The following TP53I3 variants were observed in gnomAD, a reference collection of about 807,000 sequenced individuals.
TP53I3 encodes the protein quinone oxidoreductase PIG3.
In TP53I3, 32 loss-of-function variants were observed where a neutral mutation model predicts 27.7. That is an observed-to-expected ratio of 1.16 (90% CI 0.87 to 1.55). The LOEUF (loss-of-function observed/expected upper bound fraction) is 1.55. TP53I3 is among the 40% of genes most tolerant of loss of function. The probability of loss-of-function intolerance (pLI) is 0.00; values close to 1 mark genes in which losing one functional copy is unlikely to be tolerated. For missense variants in TP53I3, 372 were observed against 412.3 expected, an observed-to-expected ratio of 0.90 and a Z score of 0.85; for synonymous variants, 138 against 167.8, an observed-to-expected ratio of 0.82 and a Z score of 1.37.
At position 24,083,103 on chromosome 2, in the gene TP53I3, A is replaced by G; in HGVS notation, c.188T>C (p.Leu63Pro). The part of the protein sequence containing the change: ...PPPGASNILG[L>P]EASGHVAELG... The stretch of plus-strand genomic sequence containing the variant: ...CTCTGCCACATGTCCAGATGCCTCA[A>G]GTCCCAAAATGTTGCTGGCTCCTGG... Residue 63 changes from leucine to proline, a missense_variant, in exon 2 of 5, where the codon CTT becomes CCT. Coordinates refer to ENST00000238721, the MANE Select transcript of TP53I3 (RefSeq NM_004881.5). 6.2e-7 allele frequency: 1 copy of G among 1,614,018 alleles called. No homozygotes were observed. Among genetic ancestry groups the G allele is most frequent in the Non-Finnish European group, 8.5e-7 (1 of 1,179,922 alleles).
In TP53I3 at chr2:24,077,539, A is replaced by G; in HGVS notation, c.*40T>C. 1 of 1,570,438 alleles carries G rather than the reference A, an allele frequency of 6.4e-7. No individual in the cohort carries two copies. On this transcript the variant is annotated 3_prime_UTR_variant, in exon 5 of 5. Transcript: ENST00000238721. The surrounding 1 kb of genome is among the most constrained non-coding windows in gnomAD (Gnocchi z 5.5). Reference sequence around the variant, plus strand: ...AATCTTCTCCAGGTTTGCTCTGGAAAGGCCTGGGGTGGCCGCGTCCTGTCC... The same window carrying G: ...AATCTTCTCCAGGTTTGCTCTGGAAGGGCCTGGGGTGGCCGCGTCCTGTCC...
At chr2:24,079,784 GT>G in intron 3 of TP53I3, 144 bp from the exon 4 acceptor site, 1 of 750,174 alleles carries the variant, frequency 1.3e-6, no homozygotes, top group South Asian at 1.9e-5. Context: ...AAGAACTGTT[GT>G]AAATGGAGTT....
rs1435478708 is a variant in TP53I3, at chr2:24,080,327, C to T, written c.619+492G>A. Among the ~76,000 whole-genome samples, 1 of 151,814 alleles carries T rather than the reference C, an allele frequency of 6.6e-6. No homozygotes were observed. Among genetic ancestry groups the T allele is most frequent in the East Asian group, 1.9e-4 (1 of 5,188 alleles). ...CCGAGATCAAGCCACTGCACGCCATCCTCAGTGACAGAGTGAGACTCCATC... is the reference window on the plus strand; with the variant it reads ...CCGAGATCAAGCCACTGCACGCCATTCTCAGTGACAGAGTGAGACTCCATC... On this transcript the variant is annotated intron_variant, in intron 3 of 4. Transcript: ENST00000238721. This position sits in a 1 kb window ranked among gnomAD's most constrained non-coding sequence, Gnocchi z 4.7.
At chr2:24,082,299 G>T (rs751421721) in intron 2 of TP53I3, among the ~76,000 whole-genome samples, 5 of 152,078 alleles carry the variant, frequency 3.3e-5, no homozygotes, top group Admixed American at 6.6e-5. Flanking sequence ...TCTTTCTTAG[G>T]CCACCTTGGC....
intron 3 of TP53I3, 22 bp from the exon 4 acceptor site, chr2:24,079,662 T>G (rs555028845): frequency 1.2e-6 from 2 of 1,610,382 alleles, no homozygotes; most frequent in Non-Finnish European, 1.7e-6. Flanking sequence ...AACAGATTTG[T>G]GATGCTAGTC....
At chr2:24,078,812 A>T (rs1298326147) in intron 4 of TP53I3, 1 of 152,446 alleles carries the variant, frequency 6.6e-6, no homozygotes. Context: ...GCAAAACCCT[A>T]TGGTGGAAAC....
chr2:24,082,801 C>A lies in TP53I3; in HGVS notation c.406+84G>T, dbSNP rs1228080212. On this transcript the variant is annotated intron_variant, in intron 2 of 4. Transcript: ENST00000238721. The stretch of plus-strand genomic sequence containing the variant: ...TGATACAGGAAGGCCTGGGAGTGCC[C>A]TGGGGGATTGCTGGGATTCAAGTTG... The A allele has an allele frequency of 6.1e-6, 9 of 1,482,238 alleles. No individual in the cohort carries two copies. The East Asian group carries it at 2.1e-4, about 35-fold the overall frequency. The allele number at this position is 1,482,238 out of a possible 1,614,324, so 91.8% of individuals were successfully genotyped here.
At position 24,079,610 on chromosome 2, in the gene TP53I3, A is replaced by G. The variant is rs1391384763; in HGVS notation, c.650T>C (p.Ile217Thr). Reference protein sequence around the residue: ...GAGVNLILDCIGGSYWEKNVN... With the variant: ...GAGVNLILDCTGGSYWEKNVN... ...GTTCTTCTCCCAGTAGGATCCGCCT[A>G]TGCAGTCTAGAATAAGATTAACTCC... Residue 217 changes from isoleucine (I) to threonine (T), a missense_variant, in exon 4 of 5, where the codon ATA becomes ACA. Coordinates refer to ENST00000238721, the MANE Select transcript of TP53I3 (RefSeq NM_004881.5). 4 of 1,614,072 alleles carry G rather than the reference A, an allele frequency of 2.5e-6. No individual in the cohort carries two copies. Among genetic ancestry groups the G allele is most frequent in the African/African-American group, 1.3e-5 (1 of 74,926 alleles).
At position 24,084,497 on chromosome 2, in the gene TP53I3, C is replaced by G. The variant is rs1213099687; in HGVS notation, c.-171G>C. On this transcript the variant is annotated 5_prime_UTR_variant, in exon 1 of 5. Transcript: ENST00000238721. The surrounding 1 kb of genome is among the most constrained non-coding windows in gnomAD (Gnocchi z 8.4). ...CCCTGCCGGCCAGCGCCTCGCTGCC[C>G]TGGTCTGCCGCGGACCCGGCCTCCG... 3.2e-6 allele frequency: 3 copies of G among 923,414 alleles called. No individual in the cohort carries two copies. In the Admixed American group the frequency reaches 1.1e-4, roughly 33 times the overall value. The allele number at this position is 923,414 out of a possible 1,614,324, so 57.2% of individuals were successfully genotyped here. A position where few individuals can be genotyped will look rare whatever the true frequency, so the allele number is the denominator to read the frequency against.
Position 24,084,454 on chromosome 2 carries a change from G to T in TP53I3, c.-128C>A. 8.2e-7 allele frequency: 1 copy of T among 1,220,424 alleles called. No homozygotes were observed. The highest frequency in any genetic ancestry group is 1.8e-5 in the South Asian group (1 of 55,606). The allele number at this position is 1,220,424 out of a possible 1,614,324, so 75.6% of individuals were successfully genotyped here. ...ATCCTCGCGGAGCAGCCCAGCCTCAGGCTGGCACCGCAGCGCCCCCTGCCG... is the reference window on the plus strand; with the variant it reads ...ATCCTCGCGGAGCAGCCCAGCCTCATGCTGGCACCGCAGCGCCCCCTGCCG... On this transcript the variant is annotated 5_prime_UTR_variant, in exon 1 of 5. It adds an upstream start codon to the 5' untranslated region. Transcript: ENST00000238721. The surrounding 1 kb of genome is among the most constrained non-coding windows in gnomAD (Gnocchi z 8.4).
At position 24,079,696 on chromosome 2, in the gene TP53I3, A is replaced by G; in HGVS notation, c.620-56T>C. The stretch of plus-strand genomic sequence containing the variant: ...TCAGCTTGGTGCTAAATAAGATACC[A>G]TGGTATATTTGGGGATTATGGATAT... On this transcript the variant is annotated intron_variant, in intron 3 of 4. Coordinates refer to ENST00000238721, the MANE Select transcript of TP53I3 (RefSeq NM_004881.5). 3 of 1,545,794 alleles carry G rather than the reference A, an allele frequency of 1.9e-6. No homozygotes were observed. In the South Asian group the frequency reaches 3.4e-5, roughly 17 times the overall value.
rs1664914361 is a variant in TP53I3, at chr2:24,079,618, T to C, written c.642A>G (p.Leu214=). 3 of 1,614,110 alleles carry C rather than the reference T, an allele frequency of 1.9e-6. No homozygotes were observed. Among genetic ancestry groups the C allele is most frequent in the Non-Finnish European group, 2.5e-6 (3 of 1,180,020 alleles). Residue 214 remains leucine (L), a synonymous_variant, in exon 4 of 5, where the codon CTA becomes CTG. Coordinates refer to ENST00000238721, the MANE Select transcript of TP53I3 (RefSeq NM_004881.5). ...CCCAGTAGGATCCGCCTATGCAGTC[T>C]AGAATAAGATTAACTCCAGCACCTT... The part of the protein sequence containing the change: ...FTKGAGVNLI[L]DCIGGSYWEK...
At position 24,084,152 on chromosome 2, in the gene TP53I3, AGTCCCGCCC is replaced by A; in HGVS notation, c.138+28_138+36del. 1 of 1,584,402 alleles carries A rather than the reference AGTCCCGCCC, an allele frequency of 6.3e-7. No individual in the cohort carries two copies. Among genetic ancestry groups the A allele is most frequent in the Non-Finnish European group, 8.6e-7 (1 of 1,168,206 alleles). On this transcript the variant is annotated intron_variant, in intron 1 of 4. Coordinates refer to ENST00000238721, the MANE Select transcript of TP53I3 (RefSeq NM_004881.5). This position sits in a 1 kb window ranked among gnomAD's most constrained non-coding sequence, Gnocchi z 8.4. ...AGTGCTGTTGAGAGGGAGGCTCTGG[AGTCCCGCCC>A]GCCCCGGCGCGGCTGAGCCCTGGGT...
intron 2 of TP53I3, 45 bp downstream of exon 2, chr2:24,082,840 G>T: frequency 6.5e-7 from 1 of 1,544,954 alleles, no homozygotes. Flanking sequence ...GATTTATGAA[G>T]GTGTTGAGCC....
chr2:24,084,449 C>A lies in TP53I3; in HGVS notation c.-123G>T. The stretch of plus-strand genomic sequence containing the variant: ...GCTGTATCCTCGCGGAGCAGCCCAG[C>A]CTCAGGCTGGCACCGCAGCGCCCCC... On this transcript the variant is annotated 5_prime_UTR_variant, in exon 1 of 5. Coordinates refer to ENST00000238721, the MANE Select transcript of TP53I3 (RefSeq NM_004881.5). This position sits in a 1 kb window ranked among gnomAD's most constrained non-coding sequence, Gnocchi z 8.4. 7.8e-7 allele frequency: 1 copy of A among 1,279,326 alleles called. No homozygotes were observed. The highest frequency in any genetic ancestry group is 1.7e-5 in the South Asian group (1 of 59,302). 79.2% of individuals were successfully genotyped at this position (1,279,326 alleles called of 1,614,324 possible).
chr2:24,079,216 A>G, intron 4 of TP53I3: 1 of 533,008 alleles, frequency 1.9e-6, no homozygotes, highest in Non-Finnish European at 3.4e-6. Context: ...GAATGTTCAG[A>G]TAACCTGTGA....
intron 2 of TP53I3, among the ~76,000 whole-genome samples, chr2:24,082,309 C>A (rs957635095): frequency 6.6e-6 from 1 of 152,156 alleles, no homozygotes; most frequent in Non-Finnish European, 1.5e-5. Context: ...GCCACCTTGG[C>A]ATGCCTTATG....
rs1406102680 is a variant in TP53I3 at position 24,084,361 on chromosome 2, C to T, written c.-35G>A. 1 of 1,345,730 alleles carries T rather than the reference C, an allele frequency of 7.4e-7. No individual in the cohort carries two copies. Among genetic ancestry groups the T allele is most frequent in the South Asian group, 1.4e-5 (1 of 69,412 alleles). 83.4% of individuals were successfully genotyped at this position (1,345,730 alleles called of 1,614,324 possible). The stretch of plus-strand genomic sequence containing the variant: ...GGACACAGGGCAGGGCAGGGCAGGA[C>T]AGGACAGGGCAGGGCAGGGCAGGAC... On this transcript the variant is annotated 5_prime_UTR_variant, in exon 1 of 5. Transcript: ENST00000238721. The surrounding 1 kb of genome is among the most constrained non-coding windows in gnomAD (Gnocchi z 8.4).
intron 2 of TP53I3, among the ~76,000 whole-genome samples, chr2:24,082,110 C>T (rs1665034440): frequency 6.6e-6 from 1 of 152,222 alleles, no homozygotes; most frequent in African/African-American, 2.4e-5. Context: ...ATCCTCCCAA[C>T]TCAGCCTCCT....
Sources: gnomAD v4.1 joint callset for allele counts (sites outside exome capture counted in the v4.1 genomes callset) on GRCh38, gnomAD v4.1.1 for gene constraint, Gnocchi (gnomAD v3.1) non-coding constraint, MANE v1.5 for transcripts, NCBI Gene and HGNC (gene_info 2026-07-23, HGNC 2026-07-21) for gene names.